The following IFNL1 variants were observed in gnomAD, a reference collection of about 807,000 sequenced individuals.
IFNL1 encodes the protein interferon lambda-1.
A neutral mutation model predicts 17.1 loss-of-function variants in IFNL1; 16 were observed. The observed-to-expected ratio is 0.93, with a 90% confidence interval of 0.63 to 1.42. The LOEUF (loss-of-function observed/expected upper bound fraction) is 1.42. IFNL1 is among the 40% of genes most tolerant of loss of function. The probability of loss-of-function intolerance (pLI) is 0.00; values close to 1 mark genes in which losing one functional copy is unlikely to be tolerated. For synonymous variants in IFNL1, 104 were observed against 111.4 expected, an observed-to-expected ratio of 0.93 and a Z score of 0.42; for missense variants, 262 against 249.4, an observed-to-expected ratio of 1.05 and a Z score of -0.34.
In IFNL1 at chr19:39,298,210, C is replaced by T. The variant is rs761142727; in HGVS notation, c.394-3C>T. 2 of 1,614,046 alleles carry T rather than the reference C, an allele frequency of 1.2e-6. No individual in the cohort carries two copies. The highest frequency in any genetic ancestry group is 1.7e-6 in the Non-Finnish European group (2 of 1,179,974). On this transcript the variant is annotated splice_region_variant and splice_polypyrimidine_tract_variant and intron_variant, in intron 3 of 4. Coordinates refer to ENST00000333625, the MANE Select transcript of IFNL1 (RefSeq NM_172140.2). ...CTCACACACCGCCCTCTTCTGCCCACAGATCCAGCCTCAGCCCACAGCAGG... is the reference window on the plus strand; with the variant it reads ...CTCACACACCGCCCTCTTCTGCCCATAGATCCAGCCTCAGCCCACAGCAGG...
rs2075107720 is a variant in IFNL1, at chr19:39,298,454, C to T, written c.541C>T (p.Leu181Phe). 2 of 1,614,212 alleles carry T rather than the reference C, an allele frequency of 1.2e-6. No homozygotes were observed. The highest frequency in any genetic ancestry group is 1.7e-6 in the Non-Finnish European group (2 of 1,180,040). The change falls in exon 5 of 5, where the codon CTC becomes TTC. Residue 181 changes from leucine (L) to phenylalanine (F), a missense_variant. Physicochemically the swap from Leu to Phe is conservative, Grantham distance 22. Transcript: ENST00000333625. ...FNLFRLLTRD[L>F]KYVADGNLCL... The stretch of plus-strand genomic sequence containing the variant: ...CCTCTTCCGCCTCCTCACGCGAGAC[C>T]TCAAATATGTGGCCGATGGGAACCT...
intron 2 of IFNL1, 134 bp from the exon 3 acceptor site, chr19:39,297,830 T>A: frequency 9.2e-7 from 1 of 1,089,218 alleles, no homozygotes; most frequent in Non-Finnish European, 1.3e-6. Flanking sequence ...TCCTGTCTCC[T>A]TCTCCCCAGA....
At chr19:39,297,565 C>A (rs1600476359) in intron 2 of IFNL1, among the ~76,000 whole-genome samples, 3 of 152,132 alleles carry the variant, frequency 2.0e-5, no homozygotes, top group Admixed American at 1.3e-4. Context: ...GGTGATCCAC[C>A]CGCCTCGGCC....
At position 39,298,243 on chromosome 19, in the gene IFNL1, C is replaced by T. The variant is rs1363479556; in HGVS notation, c.424C>T (p.Pro142Ser). 21 of 1,613,966 alleles carry T rather than the reference C, an allele frequency of 1.3e-5. No homozygotes were observed. The highest frequency in any genetic ancestry group is 1.7e-5 in the Non-Finnish European group (20 of 1,180,006). Residue 142 changes from proline to serine, a missense_variant, in exon 4 of 5, where the codon CCC becomes TCC. By Grantham distance (74) the Pro-to-Ser change is moderately conservative (BLOSUM62 -1). Coordinates refer to ENST00000333625, the MANE Select transcript of IFNL1 (RefSeq NM_172140.2). ...GCCTCAGCCCACAGCAGGGCCCAGG[C>T]CCCGGGGCCGCCTCCACCACTGGCT... The part of the protein sequence containing the change: ...IQPQPTAGPR[P>S]RGRLHHWLHR...
chr19:39,296,851 T>TC lies in IFNL1; in HGVS notation c.222dup (p.Gly75ArgfsTer20). ...AACTGGAGTTGCAGCTCTCCTGTCTTCCCCGGGAATTGGGACCTGAGGCTT... is the reference window on the plus strand; with the variant it reads ...AACTGGAGTTGCAGCTCTCCTGTCTTCCCCCGGGAATTGGGACCTGAGGCTT... On this transcript the variant is annotated frameshift_variant, in exon 2 of 5. Transcript: ENST00000333625. LOFTEE classifies it high-confidence loss of function. 1.2e-6 allele frequency: 2 copies of TC among 1,614,082 alleles called. No individual in the cohort carries two copies. The highest frequency in any genetic ancestry group is 1.7e-6 in the Non-Finnish European group (2 of 1,179,986).
chr19:39,298,543 G>A lies in IFNL1; in HGVS notation c.*27G>A, dbSNP rs564612152. 3 of 1,611,754 alleles carry A rather than the reference G, an allele frequency of 1.9e-6. No homozygotes were observed. The highest frequency in any genetic ancestry group is 1.3e-5 in the African/African-American group (1 of 74,994). On this transcript the variant is annotated 3_prime_UTR_variant, in exon 5 of 5. Transcript: ENST00000333625. ...ACCCCACACCTTATTTATGCGCTGA[G>A]CCCTACTCCTTCCTTAATTTATTTC...
Position 39,296,535 on chromosome 19 carries a change from G to A in IFNL1, c.114G>A (p.Arg38=), listed in dbSNP as rs1018522861. The change falls in exon 1 of 5, where the codon AGG becomes AGA. Residue 38 remains arginine (R), a synonymous_variant. Transcript: ENST00000333625. The stretch of plus-strand genomic sequence containing the variant: ...CTGGGAAGGGCTGCCACATTGGCAG[G>A]TTCAAATCTCTGTCACCACAGGAGC... ...TTTGKGCHIG[R]FKSLSPQELA... 3.7e-6 allele frequency: 6 copies of A among 1,613,974 alleles called. No individual in the cohort carries two copies. Among genetic ancestry groups the A allele is most frequent in the Admixed American group, 1.7e-5 (1 of 59,994 alleles).
At position 39,298,604 on chromosome 19, in the gene IFNL1, T is replaced by C. The variant is rs1035144091; in HGVS notation, c.*88T>C. Reference sequence around the variant, plus strand: ...TTATTTATGAAGCTGCAGCCCTGACTGAGACATAGGGCTGAGTTTATTGTT... The same window carrying C: ...TTATTTATGAAGCTGCAGCCCTGACCGAGACATAGGGCTGAGTTTATTGTT... On this transcript the variant is annotated 3_prime_UTR_variant, in exon 5 of 5. Transcript: ENST00000333625. 8.1e-6 allele frequency: 12 copies of C among 1,484,814 alleles called. No homozygotes were observed. The African/African-American group carries it at 1.5e-4, about 19-fold the overall frequency. The allele number at this position is 1,484,814 out of a possible 1,614,324, so 92.0% of individuals were successfully genotyped here. A position where few individuals can be genotyped will look rare whatever the true frequency, so the allele number is the denominator to read the frequency against.
rs747643410 is a variant in IFNL1 at position 39,297,939 on chromosome 19, C to T, written c.250-25C>T. ...GGGTCTTCTTGCCTGTTCTCCCTCA[C>T]CTGCTCTTTCTCACCTCTCCTCAGG... On this transcript the variant is annotated intron_variant, in intron 2 of 4. Coordinates refer to ENST00000333625, the MANE Select transcript of IFNL1 (RefSeq NM_172140.2). 8 of 1,613,798 alleles carry T rather than the reference C, an allele frequency of 5.0e-6. No homozygotes were observed. The South Asian group carries it at 7.7e-5, about 16-fold the overall frequency.
Position 39,298,562 on chromosome 19 carries a change from T to C in IFNL1, c.*46T>C. On this transcript the variant is annotated 3_prime_UTR_variant, in exon 5 of 5. Coordinates refer to ENST00000333625, the MANE Select transcript of IFNL1 (RefSeq NM_172140.2). ...CGCTGAGCCCTACTCCTTCCTTAAT[T>C]TATTTCCTCTCACCCTTTATTTATG... 6.2e-7 allele frequency: 1 copy of C among 1,605,996 alleles called. No homozygotes were observed. The highest frequency in any genetic ancestry group is 1.1e-5 in the South Asian group (1 of 90,476).
Position 39,298,078 on chromosome 19 carries a change from C to T in IFNL1, c.364C>T (p.His122Tyr). 1.2e-6 allele frequency: 2 copies of T among 1,614,162 alleles called. No homozygotes were observed. Among genetic ancestry groups the T allele is most frequent in the Non-Finnish European group, 1.7e-6 (2 of 1,179,998 alleles). ...DVLDQPLHTL[H>Y]HILSQLQACI... The stretch of plus-strand genomic sequence containing the variant: ...CCTAGACCAGCCCCTTCACACCCTG[C>T]ACCACATCCTCTCCCAGCTCCAGGC... Residue 122 changes from histidine to tyrosine, a missense_variant, in exon 3 of 5, where the codon CAC becomes TAC. Coordinates refer to ENST00000333625, the MANE Select transcript of IFNL1 (RefSeq NM_172140.2).
chr19:39,298,475 A>G lies in IFNL1; in HGVS notation c.562A>G (p.Asn188Asp), dbSNP rs30461. The G allele has an allele frequency of 0.13, 203,324 of 1,613,802 alleles. 23,540 individuals are homozygous for G. Among genetic ancestry groups the G allele is most frequent in the African/African-American group, 0.63 (47,117 of 74,898 alleles). The change falls in exon 5 of 5, where the codon AAC (asparagine) becomes GAC (aspartate). Residue 188 changes from asparagine to aspartate, a missense_variant. Physicochemically the swap from Asn to Asp is conservative, Grantham distance 23. Transcript: ENST00000333625. ...TRDLKYVADG[N>D]LCLRTSTHPE... is the part of the protein sequence containing the mutation. ...AGACCTCAAATATGTGGCCGATGGG[A>G]ACCTGTGTCTGAGAACGTCAACCCA... is the stretch of plus-strand genomic sequence containing the variant.
At chr19:39,297,575 C>T (rs950643597) in intron 2 of IFNL1, among the ~76,000 whole-genome samples, 2 of 152,060 alleles carry the variant, frequency 1.3e-5, no homozygotes, top group African/African-American at 4.8e-5. Flanking sequence ...CCGCCTCGGC[C>T]TCCCAAAGTG....
At chr19:39,297,566 C>T (rs898902004) in intron 2 of IFNL1, among the ~76,000 whole-genome samples, 2 of 151,960 alleles carry the variant, frequency 1.3e-5, no homozygotes, top group Non-Finnish European at 2.9e-5. Flanking sequence ...GTGATCCACC[C>T]GCCTCGGCCT....
At chr19:39,297,310 CTT>C (rs59725017) in intron 2 of IFNL1, among the ~76,000 whole-genome samples, 713 of 92,928 alleles carry the variant, frequency 7.7e-3, no homozygotes, top group African/African-American at 0.013. Flanking sequence ...CCACCCTTCT[CTT>C]TTTTTTTTTT....
At chr19:39,297,182 C>T (rs1000281816) in intron 2 of IFNL1, among the ~76,000 whole-genome samples, 7 of 152,002 alleles carry the variant, frequency 4.6e-5, no homozygotes, top group African/African-American at 1.7e-4. Context: ...GCCTTTCGTC[C>T]TGCTCCACTT....
Position 39,298,104 on chromosome 19 carries a change from C to T in IFNL1, c.390C>T (p.Ala130=). 1.2e-6 allele frequency: 2 copies of T among 1,613,556 alleles called. No homozygotes were observed. The highest frequency in any genetic ancestry group is 1.7e-6 in the Non-Finnish European group (2 of 1,179,594). ...TLHHILSQLQ[A]CIQPQPTAGP... is the part of the protein sequence containing the mutation. Reference sequence around the variant, plus strand: ...ACCACATCCTCTCCCAGCTCCAGGCCTGTGTGAGTCCTTGGGGCCCGGGCA... The same window carrying T: ...ACCACATCCTCTCCCAGCTCCAGGCTTGTGTGAGTCCTTGGGGCCCGGGCA... The change falls in exon 3 of 5, where the codon GCC becomes GCT. Residue 130 remains alanine, a synonymous_variant. Transcript: ENST00000333625.
At position 39,297,838 on chromosome 19, in the gene IFNL1, A is replaced by G; in HGVS notation, c.250-126A>G. The G allele has an allele frequency of 2.6e-6, 3 of 1,176,252 alleles. No homozygotes were observed. The Admixed American group carries it at 6.0e-5, about 24-fold the overall frequency. The allele number at this position is 1,176,252 out of a possible 1,614,324, so 72.9% of individuals were successfully genotyped here. A position where few individuals can be genotyped will look rare whatever the true frequency, so the allele number is the denominator to read the frequency against. On this transcript the variant is annotated intron_variant, in intron 2 of 4. Transcript: ENST00000333625. ...TTCCCCCTCCTGTCTCCTTCTCCCC[A>G]GACCCCTCACCTGTCCCCACCACAT...
At chr19:39,298,162 C>T in intron 3 of IFNL1, 51 bp from the exon 4 acceptor site, 2 of 1,613,308 alleles carry the variant, frequency 1.2e-6, no homozygotes, top group Non-Finnish European at 1.7e-6. Context: ...AGCATCCTTC[C>T]CCTGTGGTGG....
Sources: allele counts gnomAD v4.1 joint callset (sites outside exome capture counted in the v4.1 genomes callset), GRCh38; gene constraint gnomAD v4.1.1; transcripts MANE v1.5; gene names NCBI Gene and HGNC (gene_info 2026-07-23, HGNC 2026-07-21).